SMTNL2: variants seen among roughly 807,000 people sequenced by gnomAD.
SMTNL2 encodes smoothelin-like protein 2.
In SMTNL2, 43 loss-of-function variants were observed where a neutral mutation model predicts 44.1. The observed-to-expected ratio is 0.98, with a 90% CI of 0.76 to 1.26. The LOEUF (loss-of-function observed/expected upper bound fraction) is 1.26, where lower values mean the gene tolerates loss of function less well. SMTNL2 is among the 50% of genes most tolerant of loss of function. The pLI is 0.00. For missense variants in SMTNL2, 646 were observed against 670.2 expected, an observed-to-expected ratio of 0.96 and a Z score of 0.40; for synonymous variants, 317 against 287.6, an observed-to-expected ratio of 1.10 and a Z score of -1.03.
intron 7 of SMTNL2, among the ~76,000 whole-genome samples, chr17:4,599,353 G>A (rs985169888): frequency 1.4e-4 from 22 of 152,324 alleles, no homozygotes; most frequent in African/African-American, 5.3e-4. Flanking sequence ...GGGTGGTGCA[G>A]GGAGCGGGCA....
rs62066425 is a variant in SMTNL2, at chr17:4,589,452, G to T, written c.400-2909G>T. ...CCCTGCCGACATGGTCTACACGGCCGCAGCGTGGCTCTAGGGGCACCCGTT... is the reference window on the plus strand; with the variant it reads ...CCCTGCCGACATGGTCTACACGGCCTCAGCGTGGCTCTAGGGGCACCCGTT... On this transcript the variant is annotated intron_variant, in intron 1 of 7. Transcript: ENST00000389313. Among the ~76,000 whole-genome samples, 7 of 151,910 alleles carry T rather than the reference G, an allele frequency of 4.6e-5. No individual in the cohort carries two copies. The South Asian group carries it at 1.5e-3, about 32-fold the overall frequency.
rs1909787542 is a variant in SMTNL2 at position 4,595,931 on chromosome 17, G to A, written c.989+604G>A. On this transcript the variant is annotated intron_variant, in intron 5 of 7. Coordinates refer to ENST00000389313, the MANE Select transcript of SMTNL2 (RefSeq NM_001114974.2). The surrounding 1 kb of genome is among the most constrained non-coding windows in gnomAD (Gnocchi z 5.1). The stretch of plus-strand genomic sequence containing the variant: ...CCCAAGCGTGGTATTGATGTCTGCT[G>A]TGTGCAGGGTGTGGCCCAAGCGTGG... Among the ~76,000 whole-genome samples the A allele has an allele frequency of 6.6e-6, 1 of 151,800 alleles. No individual in the cohort carries two copies. Among genetic ancestry groups the A allele is most frequent in the Non-Finnish European group, 1.5e-5 (1 of 67,958 alleles).
rs1343330434 is a variant in SMTNL2 at position 4,598,063 on chromosome 17, G to A, written c.1259+740G>A. On this transcript the variant is annotated intron_variant, in intron 7 of 7. Coordinates refer to ENST00000389313, the MANE Select transcript of SMTNL2 (RefSeq NM_001114974.2). This position sits in a 1 kb window ranked among gnomAD's most constrained non-coding sequence, Gnocchi z 4.8. ...TGGGCAGGAATGAGGTCGTGGGTCA[G>A]GCCTCATGCAGCAGCCTCGGGATAA... 6.6e-6 allele frequency among the ~76,000 whole-genome samples: 1 copy of A among 152,238 alleles called. No individual in the cohort carries two copies. The highest frequency in any genetic ancestry group is 2.1e-4 in the South Asian group (1 of 4,828).
intron 7 of SMTNL2, among the ~76,000 whole-genome samples, chr17:4,606,279 G>A (rs1597419778): frequency 6.6e-6 from 1 of 151,816 alleles, no homozygotes; most frequent in South Asian, 2.1e-4. Flanking sequence ...ACGCCACCAC[G>A]CCCGGCTAAT....
At chr17:4,601,645 T>C (rs1291537877) in intron 7 of SMTNL2, among the ~76,000 whole-genome samples, 3 of 151,292 alleles carry the variant, frequency 2.0e-5, no homozygotes, top group Non-Finnish European at 2.9e-5. Flanking sequence ...TGCCTCGGCC[T>C]CCCAAGTAGC....
intron 7 of SMTNL2, among the ~76,000 whole-genome samples, chr17:4,606,441 TTAAA>T (rs1910283329): frequency 6.6e-6 from 1 of 151,632 alleles, no homozygotes; most frequent in Non-Finnish European, 1.5e-5. Flanking sequence ...TTTTTTTAAC[TTAAA>T]TATAGTTTCA....
intron 1 of SMTNL2, among the ~76,000 whole-genome samples, chr17:4,591,453 G>C (rs1485197286): frequency 6.6e-6 from 1 of 152,208 alleles, no homozygotes; most frequent in East Asian, 1.9e-4. Context: ...CGTGCCAGCT[G>C]TTTTTTGCTG....
upstream of SMTNL2, chr17:4,584,473 C>T: frequency 9.4e-7 from 1 of 1,063,108 alleles, no homozygotes. Context: ...CCCCGAGGCC[C>T]CGCCCCGCGC....
In SMTNL2 at chr17:4,607,449, G is replaced by A. The variant is rs144468111; in HGVS notation, c.1348G>A (p.Val450Ile). 33 of 1,614,174 alleles carry A rather than the reference G, an allele frequency of 2.0e-5. No individual in the cohort carries two copies. Among genetic ancestry groups the A allele is most frequent in the Middle Eastern group, 1.6e-4 (1 of 6,062 alleles). The change falls in exon 8 of 8, where the codon GTC (valine) becomes ATC (isoleucine). Residue 450 changes from valine (V) to isoleucine (I), a missense_variant. Coordinates refer to ENST00000389313, the MANE Select transcript of SMTNL2 (RefSeq NM_001114974.2). This position sits in a 1 kb window ranked among gnomAD's most constrained non-coding sequence, Gnocchi z 4.7. ...KPDPMCVFTYVQSLYNHLRRF... is the reference protein window; with the variant it reads ...KPDPMCVFTYIQSLYNHLRRF... ...GGACCCCATGTGTGTCTTCACCTACGTCCAGTCGCTGTACAACCACCTGCG... is the reference window on the plus strand; with the variant it reads ...GGACCCCATGTGTGTCTTCACCTACATCCAGTCGCTGTACAACCACCTGCG...
At chr17:4,594,188 C>G (rs1275049709) in intron 4 of SMTNL2, among the ~76,000 whole-genome samples, 1 of 152,156 alleles carries the variant, frequency 6.6e-6, no homozygotes, top group Non-Finnish European at 1.5e-5. Flanking sequence ...GTGGCTCACA[C>G]CTGTAATCCC....
In SMTNL2 at chr17:4,584,926, G is replaced by A. The variant is rs554847837; in HGVS notation, c.321G>A (p.Gly107=). Residue 107 remains glycine, a synonymous_variant, in exon 1 of 8, where the codon GGG becomes GGA. Transcript: ENST00000389313. ...PGTPSPPPAP[G]VPDRAPRLGS... ...CGCCCAGCCCCCCGCCCGCGCCCGG[G>A]GTTCCCGACCGCGCGCCCCGCCTGG... The A allele has an allele frequency of 1.2e-3, 1,564 of 1,304,880 alleles. 20 individuals are homozygous for A. The African/African-American group carries it at 0.021, about 18-fold the overall frequency. 80.8% of individuals were successfully genotyped at this position (1,304,880 alleles called of 1,614,324 possible).
In SMTNL2 at chr17:4,597,285, G is replaced by A. The variant is rs770779407; in HGVS notation, c.1221G>A (p.Gln407=). 7 of 1,614,134 alleles carry A rather than the reference G, an allele frequency of 4.3e-6. No individual in the cohort carries two copies. Among genetic ancestry groups the A allele is most frequent in the Non-Finnish European group, 5.9e-6 (7 of 1,179,978 alleles). ...ACTACAACTCCCTGAGCCCCACGCA[G>A]AGGCAGAAGAACTTCGAGCTGGCTT... is the stretch of plus-strand genomic sequence containing the variant. The part of the protein sequence containing the change: ...AFDYNSLSPT[Q]RQKNFELAFT... The change falls in exon 7 of 8, where the codon CAG becomes CAA. Residue 407 remains glutamine (Q), a synonymous_variant. Coordinates refer to ENST00000389313, the MANE Select transcript of SMTNL2 (RefSeq NM_001114974.2).
intron 3 of SMTNL2, 44 bp downstream of exon 3, chr17:4,593,215 G>T: frequency 6.5e-7 from 1 of 1,533,622 alleles, no homozygotes. Flanking sequence ...CTCCCCTTGG[G>T]ATGGGAGAGG....
chr17:4,598,002 G>A lies in SMTNL2; in HGVS notation c.1259+679G>A, dbSNP rs921120312. 7.2e-5 allele frequency among the ~76,000 whole-genome samples: 11 copies of A among 152,274 alleles called. No homozygotes were observed. The highest frequency in any genetic ancestry group is 2.2e-4 in the African/African-American group (9 of 41,568). On this transcript the variant is annotated intron_variant, in intron 7 of 7. Coordinates refer to ENST00000389313, the MANE Select transcript of SMTNL2 (RefSeq NM_001114974.2). The surrounding 1 kb of genome is among the most constrained non-coding windows in gnomAD (Gnocchi z 4.8). ...ACGGGGGCACAGTCAAGAACTGGGC[G>A]AGGAGAGTTTAATAAAGGGACCCTT...
chr17:4,607,756 A>G lies in SMTNL2; in HGVS notation c.*269A>G. On this transcript the variant is annotated 3_prime_UTR_variant, in exon 8 of 8. Coordinates refer to ENST00000389313, the MANE Select transcript of SMTNL2 (RefSeq NM_001114974.2). This position sits in a 1 kb window ranked among gnomAD's most constrained non-coding sequence, Gnocchi z 4.7. ...GAGAGAGAGACATTGGTGCTAAGTAATGATCTTCCTAAAGAAATGCTTGTG... is the reference window on the plus strand; with the variant it reads ...GAGAGAGAGACATTGGTGCTAAGTAGTGATCTTCCTAAAGAAATGCTTGTG... 2.7e-6 allele frequency: 1 copy of G among 372,736 alleles called. No individual in the cohort carries two copies. Among genetic ancestry groups the G allele is most frequent in the Middle Eastern group, 7.1e-4 (1 of 1,408 alleles). 23.1% of individuals were successfully genotyped at this position (372,736 alleles called of 1,614,324 possible). A position where few individuals can be genotyped will look rare whatever the true frequency, so the allele number is the denominator to read the frequency against.
chr17:4,598,595 G>A lies in SMTNL2; in HGVS notation c.1259+1272G>A, dbSNP rs970483122. Among the ~76,000 whole-genome samples the A allele has an allele frequency of 1.3e-5, 2 of 152,146 alleles. No homozygotes were observed. The highest frequency in any genetic ancestry group is 2.4e-5 in the African/African-American group (1 of 41,434). Reference sequence around the variant, plus strand: ...TCCTAGCACTTTGGGAGGCCAAGGCGGGTGGATTGCCTGAGCTCAGGAGTT... The same window carrying A: ...TCCTAGCACTTTGGGAGGCCAAGGCAGGTGGATTGCCTGAGCTCAGGAGTT... On this transcript the variant is annotated intron_variant, in intron 7 of 7. Coordinates refer to ENST00000389313, the MANE Select transcript of SMTNL2 (RefSeq NM_001114974.2). This position sits in a 1 kb window ranked among gnomAD's most constrained non-coding sequence, Gnocchi z 4.8.
intron 4 of SMTNL2, 78 bp downstream of exon 4, chr17:4,593,975 T>G: frequency 6.6e-7 from 1 of 1,522,080 alleles, no homozygotes; most frequent in South Asian, 1.1e-5. Flanking sequence ...CCGCCCAGGG[T>G]TGGCCCTGGG....
chr17:4,586,829 T>G (rs1452181745), intron 1 of SMTNL2, among the ~76,000 whole-genome samples: 1 of 151,978 alleles, frequency 6.6e-6, no homozygotes. Context: ...GATGGGGTAG[T>G]CTCAGAGGGG....
In SMTNL2 at chr17:4,607,277, C is replaced by T. The variant is rs1191672843; in HGVS notation, c.1260-84C>T. 6.9e-6 allele frequency: 11 copies of T among 1,586,906 alleles called. No homozygotes were observed. Among genetic ancestry groups the T allele is most frequent in the East Asian group, 2.3e-5 (1 of 44,292 alleles). On this transcript the variant is annotated intron_variant, in intron 7 of 7. Coordinates refer to ENST00000389313, the MANE Select transcript of SMTNL2 (RefSeq NM_001114974.2). This position sits in a 1 kb window ranked among gnomAD's most constrained non-coding sequence, Gnocchi z 4.7. Reference sequence around the variant, plus strand: ...CTGGCTGCCGGCTGAGCTCTGTTCCCGGGACCGAGACACCGGCCCTGTCGC... The same window carrying T: ...CTGGCTGCCGGCTGAGCTCTGTTCCTGGGACCGAGACACCGGCCCTGTCGC...
Sources: gnomAD v4.1 joint callset for allele counts (sites outside exome capture counted in the v4.1 genomes callset) on GRCh38, gnomAD v4.1.1 for gene constraint, Gnocchi (gnomAD v3.1) non-coding constraint, MANE v1.5 for transcripts, NCBI Gene and HGNC (gene_info 2026-07-23, HGNC 2026-07-21) for gene names.